The following BMPR1B variants were observed in gnomAD, a reference collection of about 807,000 sequenced individuals.
The protein encoded by BMPR1B is bone morphogenetic protein receptor type-1B.
In BMPR1B, 12 loss-of-function variants were observed where a neutral mutation model predicts 59.1. That is an observed-to-expected ratio of 0.20 (90% CI 0.13 to 0.33). The LOEUF is 0.33. Ranked by LOEUF, BMPR1B falls within the 10% of genes least tolerant of loss-of-function variation. The probability of loss-of-function intolerance (pLI) is 1.00; values close to 1 mark genes in which losing one functional copy is unlikely to be tolerated. For synonymous variants in BMPR1B, 237 were observed against 207.3 expected, an observed-to-expected ratio of 1.14 and a Z score of -1.23; for missense variants, 550 against 610.9, an observed-to-expected ratio of 0.90 and a Z score of 1.05.
intron 1 of BMPR1B, among the ~76,000 whole-genome samples, chr4:94,849,444 C>A (rs1725481372): frequency 6.6e-6 from 1 of 152,018 alleles, no homozygotes; most frequent in Non-Finnish European, 1.5e-5. Context: ...TTAGACCGTT[C>A]TCTTGAGGAA....
At chr4:95,044,776 G>T (rs1444146053) in intron 3 of BMPR1B, among the ~76,000 whole-genome samples, 1 of 152,162 alleles carries the variant, frequency 6.6e-6, no homozygotes. Context: ...AGAACGGGGT[G>T]GGGAGGCAGG....
intron 1 of BMPR1B, among the ~76,000 whole-genome samples, chr4:94,811,578 G>T (rs1320180164): frequency 1.3e-5 from 2 of 152,012 alleles, no homozygotes; most frequent in African/African-American, 4.8e-5. Context: ...TCTGATCTAG[G>T]ATGATTATTA....
At chr4:95,025,792 C>T (rs1323075256) in intron 3 of BMPR1B, among the ~76,000 whole-genome samples, 1 of 152,100 alleles carries the variant, frequency 6.6e-6, no homozygotes, top group Non-Finnish European at 1.5e-5. Flanking sequence ...TGACCAAAGT[C>T]TTAGTTCACT....
At chr4:95,124,226 C>T (rs1385219585) in intron 7 of BMPR1B, among the ~76,000 whole-genome samples, 1 of 151,940 alleles carries the variant, frequency 6.6e-6, no homozygotes, top group East Asian at 1.9e-4. Flanking sequence ...CCATGTTGAA[C>T]TTAAGAGTTG....
intron 1 of BMPR1B, among the ~76,000 whole-genome samples, chr4:94,792,732 A>G (rs959639809): frequency 3.3e-5 from 5 of 152,280 alleles, no homozygotes; most frequent in Non-Finnish European, 5.9e-5. Context: ...GTTAGTTGAG[A>G]TGCTACTGTA....
intron 3 of BMPR1B, among the ~76,000 whole-genome samples, chr4:95,084,799 A>C (rs1457508780): frequency 6.6e-6 from 1 of 152,184 alleles, no homozygotes; most frequent in Non-Finnish European, 1.5e-5. Context: ...TATTACCTTA[A>C]CAAATGTATC....
chr4:94,831,888 G>A lies in BMPR1B; in HGVS notation c.-182-43943G>A, dbSNP rs1053580170. 3.9e-5 allele frequency among the ~76,000 whole-genome samples: 6 copies of A among 152,240 alleles called. No homozygotes were observed. In the South Asian group the frequency reaches 8.3e-4, roughly 21 times the overall value. ...GAACCCTACTGTGAACAGCACATAT[G>A]AGGGATCTGGGTTGTGAGCTTCTTA... On this transcript the variant is annotated intron_variant, in intron 1 of 12. Transcript: ENST00000515059.
intron 1 of BMPR1B, among the ~76,000 whole-genome samples, chr4:94,858,201 C>T (rs753093832): frequency 6.6e-5 from 10 of 152,022 alleles, no homozygotes; most frequent in African/African-American, 1.9e-4. Context: ...CTGCCCTCTT[C>T]GGCCTCCCAA....
chr4:94,795,571 C>G (rs1260532159), intron 1 of BMPR1B, among the ~76,000 whole-genome samples: 9 of 152,082 alleles, frequency 5.9e-5, no homozygotes, highest in Non-Finnish European at 4.4e-5. Flanking sequence ...TCAAGCGATT[C>G]TCCTGCCTCA....
chr4:95,050,012 A>G (rs1360803466), intron 3 of BMPR1B, among the ~76,000 whole-genome samples: 2 of 151,962 alleles, frequency 1.3e-5, no homozygotes, highest in African/African-American at 2.4e-5. Context: ...GAGCAGTGGG[A>G]GCTGTCCCAC....
intron 2 of BMPR1B, among the ~76,000 whole-genome samples, chr4:94,981,003 A>ACGCGCGCATACGCGCGCG (rs141994255): frequency 1.1e-5 from 1 of 90,796 alleles, no homozygotes; most frequent in Non-Finnish European, 2.4e-5. Context: ...ACACACACAC[A>ACGCGCGCATACGCGCGCG]CACACACACA....
intron 2 of BMPR1B, among the ~76,000 whole-genome samples, chr4:94,924,084 C>T (rs766109761): frequency 6.6e-5 from 10 of 152,038 alleles, no homozygotes; most frequent in Admixed American, 1.3e-4. Context: ...TTGACCCTTC[C>T]GAGGAGTATT....
chr4:95,104,500 C>A lies in BMPR1B; in HGVS notation c.76C>A (p.Arg26Ser), dbSNP rs758706811. 2.5e-6 allele frequency: 4 copies of A among 1,613,356 alleles called. No individual in the cohort carries two copies. Among genetic ancestry groups the A allele is most frequent in the Middle Eastern group, 1.6e-4 (1 of 6,078 alleles). The change falls in exon 4 of 13, where the codon CGT becomes AGT. Residue 26 changes from arginine (R) to serine (S), a missense_variant. Arg to Ser is a moderately radical substitution (Grantham distance 110). Around this residue, in one of 6 missense-constraint regions of BMPR1B, gnomAD observed 43 missense variants for 35.4 expected, o/e 1.22. Coordinates refer to ENST00000515059, the MANE Select transcript of BMPR1B (RefSeq NM_001203.3). ...EDGESTAPTPRPKVLRCKCHH... is the reference protein window; with the variant it reads ...EDGESTAPTPSPKVLRCKCHH... ...TGGTGAGAGTACAGCCCCCACCCCC[C>A]GTCCAAAGGTCTTGCGTTGTAAATG...
At chr4:94,869,871 T>C (rs1213347085) in intron 1 of BMPR1B, among the ~76,000 whole-genome samples, 3 of 152,120 alleles carry the variant, frequency 2.0e-5, no homozygotes, top group African/African-American at 7.2e-5. Context: ...GGCACCACTT[T>C]CCCCCTTGAG....
At chr4:94,820,786 C>A (rs781575163) in intron 1 of BMPR1B, among the ~76,000 whole-genome samples, 1 of 152,224 alleles carries the variant, frequency 6.6e-6, no homozygotes, top group Non-Finnish European at 1.5e-5. Context: ...AATTAGAAGA[C>A]ATGTAAATTT....
At chr4:95,012,834 A>G (rs967487382) in intron 3 of BMPR1B, among the ~76,000 whole-genome samples, 1 of 152,170 alleles carries the variant, frequency 6.6e-6, no homozygotes. Flanking sequence ...ATAAAATACA[A>G]TAGTACTGAG....
rs190929550 is a variant in BMPR1B, at chr4:95,044,091, G to A, written c.-18+47957G>A. 1.7e-3 allele frequency among the ~76,000 whole-genome samples: 252 copies of A among 152,228 alleles called. 1 individual carries two copies. Among genetic ancestry groups the A allele is most frequent in the African/African-American group, 5.9e-3 (245 of 41,544 alleles). On this transcript the variant is annotated intron_variant, in intron 3 of 12. Transcript: ENST00000515059. ...TAAAATGTCTTCAGGAAAGAAAATA[G>A]GAATCTGCTAAAGCCATTGAGACCT...
At chr4:94,975,711 T>C (rs962182557) in intron 2 of BMPR1B, among the ~76,000 whole-genome samples, 2 of 152,140 alleles carry the variant, frequency 1.3e-5, no homozygotes, top group Non-Finnish European at 2.9e-5. Context: ...AAGATGATAT[T>C]ATAATACCTA....
intron 3 of BMPR1B, among the ~76,000 whole-genome samples, chr4:95,075,269 T>C (rs569676577): frequency 1.3e-3 from 196 of 152,310 alleles, no homozygotes; most frequent in African/African-American, 4.4e-3. Flanking sequence ...AGGTATTGGA[T>C]CTGTTTCACA....
Sources: gnomAD v4.1 joint callset for allele counts (sites outside exome capture counted in the v4.1 genomes callset) on GRCh38, gnomAD v4.1.1 for gene constraint, gnomAD v4.1.1 regional missense constraint, MANE v1.5 for transcripts, NCBI Gene and HGNC (gene_info 2026-07-23, HGNC 2026-07-21) for gene names.